The following PRPSAP2 variants were observed in gnomAD, a reference collection of about 807,000 sequenced individuals.
PRPSAP2 encodes the protein phosphoribosyl pyrophosphate synthetase associated protein 2.
PRPSAP2 carries 24 observed loss-of-function variants against 40.6 expected under a neutral mutation model. The observed-to-expected ratio is 0.59, with a 90% CI of 0.43 to 0.83. The LOEUF (loss-of-function observed/expected upper bound fraction) is 0.83. Among genes scored for constraint, PRPSAP2 ranks in the 40% least tolerant of loss-of-function variants. PRPSAP2 has a pLI of 0.00. For missense variants in PRPSAP2, 292 were observed against 465.6 expected (o/e 0.63, Z 3.43); for synonymous variants, 149 against 164.7 (o/e 0.90, Z 0.73).
chr17:18,860,602 C>T (rs2036936261), intron 1 of PRPSAP2: 1 of 152,194 alleles, frequency 6.6e-6, no homozygotes, highest in African/African-American at 2.4e-5. Context: ...GGCTGAGGCC[C>T]AGCAAGGACA....
chr17:18,869,836 TTTTTTTTG>T (rs2037719127), intron 4 of PRPSAP2, among the ~76,000 whole-genome samples: 1 of 141,268 alleles, frequency 7.1e-6, no homozygotes, highest in Non-Finnish European at 1.5e-5. Flanking sequence ...TTTTGCTACT[TTTTTTTTG>T]TGTGTGTGTG....
intron 9 of PRPSAP2, among the ~76,000 whole-genome samples, chr17:18,915,859 G>A (rs1355510574): frequency 2.0e-5 from 3 of 150,470 alleles, no homozygotes; most frequent in Admixed American, 6.6e-5. Flanking sequence ...TTGCTCTGTC[G>A]CCCAGGCTGG....
At chr17:18,871,492 C>T (rs1191196513) in intron 4 of PRPSAP2, among the ~76,000 whole-genome samples, 1 of 152,058 alleles carries the variant, frequency 6.6e-6, no homozygotes, top group Non-Finnish European at 1.5e-5. Context: ...TAGAATGTCC[C>T]ATTATGGATT....
At chr17:18,870,299 T>C (rs144387688) in intron 4 of PRPSAP2, among the ~76,000 whole-genome samples, 11 of 152,140 alleles carry the variant, frequency 7.2e-5, no homozygotes, top group African/African-American at 2.4e-4. Flanking sequence ...GTTGGGATGC[T>C]GAGCTGGGTG....
intron 8 of PRPSAP2, among the ~76,000 whole-genome samples, chr17:18,897,453 G>GTTGTTGTTGTTGTTGT (rs1555555755): frequency 0.028 from 4,286 of 150,562 alleles, 185 homozygotes; most frequent in African/African-American, 0.088. Flanking sequence ...CTCTATAGTG[G>GTTGTTGTTGTTGTTGT]TGTTGTTGTT....
chr17:18,898,544 G>A (rs1002003080), intron 8 of PRPSAP2, among the ~76,000 whole-genome samples: 2 of 152,120 alleles, frequency 1.3e-5, no homozygotes, highest in Admixed American at 6.6e-5. Flanking sequence ...GAAGGACATC[G>A]TTGCTGGGTA....
At chr17:18,929,003 G>A in intron 11 of PRPSAP2, 46 bp downstream of exon 11, 1 of 1,582,082 alleles carries the variant, frequency 6.3e-7, no homozygotes, top group Non-Finnish European at 8.6e-7. Context: ...TGGGCTTTTG[G>A]CACATCTTGA....
At chr17:18,879,386 G>A (rs2038554819) in intron 6 of PRPSAP2, among the ~76,000 whole-genome samples, 1 of 152,178 alleles carries the variant, frequency 6.6e-6, no homozygotes, top group African/African-American at 2.4e-5. Flanking sequence ...CCGGGTTCAA[G>A]CAATTCTCCT....
intron 6 of PRPSAP2, 51 bp from the exon 7 acceptor site, chr17:18,882,517 A>G (rs558418509): frequency 7.7e-7 from 1 of 1,295,890 alleles, no homozygotes; most frequent in Non-Finnish European, 1.1e-6. Flanking sequence ...TCTTAAAAAA[A>G]AAAAACAAAA....
At chr17:18,880,672 G>C (rs1434567725) in intron 6 of PRPSAP2, among the ~76,000 whole-genome samples, 1 of 151,482 alleles carries the variant, frequency 6.6e-6, no homozygotes, top group East Asian at 1.9e-4. Context: ...GCCTCCCAAA[G>C]TGCTGGGTTT....
chr17:18,867,608 C>T (rs2037527104), intron 4 of PRPSAP2, among the ~76,000 whole-genome samples: 1 of 152,150 alleles, frequency 6.6e-6, no homozygotes. Flanking sequence ...AGCTGGTCAA[C>T]TGAATGAACA....
At chr17:18,860,451 T>C (rs1597493070) in intron 1 of PRPSAP2, 1 of 152,264 alleles carries the variant, frequency 6.6e-6, no homozygotes, top group East Asian at 1.9e-4. Context: ...AGCAATCATT[T>C]GTTTAGCCTC....
At chr17:18,924,021 G>T (rs944922058) in intron 10 of PRPSAP2, 37 bp downstream of exon 10, 8 of 1,556,446 alleles carry the variant, frequency 5.1e-6, no homozygotes, top group South Asian at 4.5e-5. Flanking sequence ...TCTAGTATTT[G>T]CCATTGTTAT....
In PRPSAP2 at chr17:18,874,425, G is replaced by A. The variant is rs142048061; in HGVS notation, c.239+1776G>A. 1.0e-3 allele frequency among the ~76,000 whole-genome samples: 152 copies of A among 152,260 alleles called. 1 individual carries two copies. Among genetic ancestry groups the A allele is most frequent in the African/African-American group, 3.5e-3 (147 of 41,566 alleles). The stretch of plus-strand genomic sequence containing the variant: ...CGAAAGGGAAAAAGAAGGCCATTTC[G>A]GGAGACTTTAGTCTTGGAACACACA... On this transcript the variant is annotated intron_variant, in intron 5 of 11. Coordinates refer to ENST00000268835, the MANE Select transcript of PRPSAP2 (RefSeq NM_002767.4).
At chr17:18,905,098 A>ACTGCAACCTTCGCCTCC (rs2151945267) in intron 8 of PRPSAP2, 1 of 152,290 alleles carries the variant, frequency 6.6e-6, no homozygotes, top group East Asian at 1.9e-4. Context: ...ATCTCGGCTC[A>ACTGCAACCTTCGCCTCC]CTGCAACCTT....
chr17:18,879,269 C>T (rs35911764), intron 6 of PRPSAP2, among the ~76,000 whole-genome samples: 80,406 of 151,384 alleles, frequency 0.53, 21,550 homozygotes, highest in Middle Eastern at 0.61. Context: ...CAGGTACTTA[C>T]TGTAGAATAA....
At chr17:18,884,429 C>T (rs2038987265) in intron 7 of PRPSAP2, among the ~76,000 whole-genome samples, 1 of 152,074 alleles carries the variant, frequency 6.6e-6, no homozygotes, top group Non-Finnish European at 1.5e-5. Context: ...ACCTTGAACT[C>T]CTGGGCTCAA....
intron 10 of PRPSAP2, among the ~76,000 whole-genome samples, chr17:18,925,549 T>C (rs940586056): frequency 2.6e-5 from 4 of 152,228 alleles, no homozygotes; most frequent in African/African-American, 9.6e-5. Context: ...CTGCTATGTG[T>C]TGTGTCTTTG....
chr17:18,876,845 G>A (rs1009382561), intron 5 of PRPSAP2, among the ~76,000 whole-genome samples: 2 of 152,186 alleles, frequency 1.3e-5, no homozygotes, highest in Non-Finnish European at 2.9e-5. Flanking sequence ...AACGCCTAGA[G>A]CAAGCCCCTT....
Sources: allele counts gnomAD v4.1 joint callset (sites outside exome capture counted in the v4.1 genomes callset), GRCh38; gene constraint gnomAD v4.1.1; transcripts MANE v1.5; gene names NCBI Gene and HGNC (gene_info 2026-07-23, HGNC 2026-07-21).